SLC25A13: variants seen among roughly 807,000 people sequenced by gnomAD.
The protein encoded by SLC25A13 is electrogenic aspartate/glutamate antiporter SLC25A13, mitochondrial.
In SLC25A13, 70 loss-of-function variants were observed where a neutral mutation model predicts 85.5. The ratio of observed to expected loss-of-function variants is 0.82; its 90% CI spans 0.68 to 1.00. The LOEUF is 1.00. Among genes scored for constraint, SLC25A13 ranks in the 50% least tolerant of loss-of-function variants. The probability of loss-of-function intolerance (pLI) is 0.00; values close to 1 mark genes in which losing one functional copy is unlikely to be tolerated. For missense variants in SLC25A13, 765 were observed against 819.8 expected (o/e 0.93, Z 0.82); for synonymous variants, 259 against 288.7 (o/e 0.90, Z 1.04).
intron 6 of SLC25A13, among the ~76,000 whole-genome samples, chr7:96,191,557 G>A (rs1163685620): frequency 6.6e-6 from 1 of 152,124 alleles, no homozygotes; most frequent in Non-Finnish European, 1.5e-5. Context: ...TGTTTTATAA[G>A]TTGGTTTATT....
intron 2 of SLC25A13, among the ~76,000 whole-genome samples, chr7:96,278,530 G>C (rs756573268): frequency 2.0e-5 from 3 of 152,162 alleles, no homozygotes; most frequent in African/African-American, 4.8e-5. Flanking sequence ...AATGGCCTCA[G>C]GTAAGTAACT....
At chr7:96,286,355 TACC>T (rs1367569082) in intron 2 of SLC25A13, among the ~76,000 whole-genome samples, 2 of 151,304 alleles carry the variant, frequency 1.3e-5, no homozygotes, top group Admixed American at 1.3e-4. Flanking sequence ...CTGTCCTGAC[TACC>T]ACCACCCAGG....
At chr7:96,301,310 T>C (rs1383400694) in intron 1 of SLC25A13, among the ~76,000 whole-genome samples, 1 of 152,208 alleles carries the variant, frequency 6.6e-6, no homozygotes, top group African/African-American at 2.4e-5. Context: ...ACTTTCACTG[T>C]TACATTTTTT....
At chr7:96,163,581 TCTC>T (rs765625508) in intron 13 of SLC25A13, among the ~76,000 whole-genome samples, 1 of 152,174 alleles carries the variant, frequency 6.6e-6, no homozygotes, top group Non-Finnish European at 1.5e-5. Context: ...TCAGAACACT[TCTC>T]CTCCTCAATG....
At chr7:96,157,046 A>G (rs536400564) in intron 13 of SLC25A13, among the ~76,000 whole-genome samples, 1 of 152,154 alleles carries the variant, frequency 6.6e-6, no homozygotes, top group Non-Finnish European at 1.5e-5. Flanking sequence ...TGGCTGCTGT[A>G]ATTTGTATCG....
intron 2 of SLC25A13, among the ~76,000 whole-genome samples, chr7:96,280,037 A>G (rs908368530): frequency 4.6e-5 from 7 of 152,206 alleles, no homozygotes; most frequent in Admixed American, 3.9e-4. Context: ...AGGCTGACCT[A>G]CGCTCCATGG....
At chr7:96,249,147 T>C (rs936666165) in intron 3 of SLC25A13, among the ~76,000 whole-genome samples, 1 of 152,160 alleles carries the variant, frequency 6.6e-6, no homozygotes, top group African/African-American at 2.4e-5. Context: ...GTCCATTTTT[T>C]GTAAAAAAGA....
In SLC25A13 at chr7:96,150,422, T is replaced by C. The variant is rs537981189; in HGVS notation, c.1312-3726A>G. Among the ~76,000 whole-genome samples, 45 of 152,262 alleles carry C rather than the reference T, an allele frequency of 3.0e-4. 2 individuals are homozygous for C. The South Asian group carries it at 9.1e-3, about 31-fold the overall frequency. On this transcript the variant is annotated intron_variant, in intron 13 of 17. Transcript: ENST00000265631. Reference sequence around the variant, plus strand: ...TATTTTCAGTCCACTCAAGAGGTACTTTTTGCAGATTTTACATAAGAGGAA... The same window carrying C: ...TATTTTCAGTCCACTCAAGAGGTACCTTTTGCAGATTTTACATAAGAGGAA...
chr7:96,141,679 TC>T (rs998251785), intron 14 of SLC25A13, among the ~76,000 whole-genome samples: 3 of 152,218 alleles, frequency 2.0e-5, no homozygotes, highest in Non-Finnish European at 2.9e-5. Flanking sequence ...GGCAATGTGT[TC>T]TCAAAGTAGA....
intron 13 of SLC25A13, among the ~76,000 whole-genome samples, chr7:96,150,460 A>G (rs1189935374): frequency 6.6e-6 from 1 of 152,174 alleles, no homozygotes; most frequent in African/African-American, 2.4e-5. Context: ...TGAAGCACAG[A>G]AAGATTAAAG....
At chr7:96,255,544 A>G (rs1350553810) in intron 3 of SLC25A13, among the ~76,000 whole-genome samples, 1 of 152,152 alleles carries the variant, frequency 6.6e-6, no homozygotes, top group Non-Finnish European at 1.5e-5. Context: ...AAATTTAGCC[A>G]GCCATGGTGG....
chr7:96,205,344 G>C (rs1260709298), intron 5 of SLC25A13, among the ~76,000 whole-genome samples: 2 of 152,192 alleles, frequency 1.3e-5, no homozygotes, highest in African/African-American at 4.8e-5. Context: ...TGCTCTAGGA[G>C]CTGGGAGTAG....
At chr7:96,224,983 C>CAA (rs1796280182) in intron 4 of SLC25A13, among the ~76,000 whole-genome samples, 1 of 152,124 alleles carries the variant, frequency 6.6e-6, no homozygotes, top group Non-Finnish European at 1.5e-5. Flanking sequence ...ATGTCTATTT[C>CAA]CTCTACAGAA....
intron 3 of SLC25A13, among the ~76,000 whole-genome samples, chr7:96,272,075 A>C (rs111497653): frequency 0.031 from 4,779 of 152,098 alleles, 189 homozygotes; most frequent in African/African-American, 0.093. Context: ...TTTAGTAGAG[A>C]TGGGGTTTCA....
At chr7:96,289,181 C>A (rs545694705) in intron 2 of SLC25A13, among the ~76,000 whole-genome samples, 2 of 152,338 alleles carry the variant, frequency 1.3e-5, no homozygotes, top group African/African-American at 2.4e-5. Flanking sequence ...CTCCAACAGA[C>A]CTGCAGCTGA....
At chr7:96,181,695 C>T (rs1794426610) in intron 11 of SLC25A13, among the ~76,000 whole-genome samples, 1 of 152,100 alleles carries the variant, frequency 6.6e-6, no homozygotes, top group Non-Finnish European at 1.5e-5. Context: ...TTACATAGGC[C>T]TTGATAGAGA....
chr7:96,315,934 T>C (rs1800109849), intron 1 of SLC25A13, among the ~76,000 whole-genome samples: 1 of 151,126 alleles, frequency 6.6e-6, no homozygotes, highest in African/African-American at 2.4e-5. Context: ...CTGGGCGACA[T>C]AGCAAGACCC....
intron 4 of SLC25A13, among the ~76,000 whole-genome samples, chr7:96,219,978 G>A (rs1181159021): frequency 6.6e-6 from 1 of 152,078 alleles, no homozygotes; most frequent in African/African-American, 2.4e-5. Context: ...TTTTCAACTG[G>A]GTAGAATAAA....
chr7:96,307,342 A>C (rs1328992878), intron 1 of SLC25A13, among the ~76,000 whole-genome samples: 1 of 152,146 alleles, frequency 6.6e-6, no homozygotes, highest in Non-Finnish European at 1.5e-5. Context: ...GCTTTGAAGA[A>C]ATCTTGTTTA....
Sources: allele counts gnomAD v4.1 joint callset (sites outside exome capture counted in the v4.1 genomes callset), GRCh38; gene constraint gnomAD v4.1.1; transcripts MANE v1.5; gene names NCBI Gene and HGNC (gene_info 2026-07-23, HGNC 2026-07-21).